ADGRL2: variants seen among roughly 807,000 people sequenced by gnomAD.
ADGRL2 encodes the protein calcium-independent alpha-latrotoxin receptor 2.
In ADGRL2, 44 loss-of-function variants were observed where a neutral mutation model predicts 157.4. That is an observed-to-expected ratio of 0.28 (90% CI 0.22 to 0.36). The LOEUF is 0.36. Ranked by LOEUF, ADGRL2 falls within the 10% of genes least tolerant of loss-of-function variation. The pLI is 1.00. For missense variants in ADGRL2, 1,510 were observed against 1,768.9 expected, an observed-to-expected ratio of 0.85 and a Z score of 2.63; for synonymous variants, 585 against 624.7, an observed-to-expected ratio of 0.94 and a Z score of 0.95.
At chr1:81,810,334 A>C (rs202098501) in intron 1 of ADGRL2, among the ~76,000 whole-genome samples, 1 of 13,112 alleles carries the variant, frequency 7.6e-5, no homozygotes, top group African/African-American at 2.7e-4. Flanking sequence ...CATAACAAAT[A>C]ATCATGTTTA....
intron 2 of ADGRL2, among the ~76,000 whole-genome samples, chr1:81,852,789 C>T (rs2093060239): frequency 6.6e-6 from 1 of 152,032 alleles, no homozygotes; most frequent in Non-Finnish European, 1.5e-5. Context: ...TACATACTTT[C>T]ATGGTTTTGA....
At chr1:81,664,234 C>T (rs956919859) in intron 3 of ADGRL2, among the ~76,000 whole-genome samples, 30 of 152,080 alleles carry the variant, frequency 2.0e-4, no homozygotes, top group African/African-American at 7.0e-4. Flanking sequence ...TAAGTATTTT[C>T]TGTATCTTTA....
intron 2 of ADGRL2, among the ~76,000 whole-genome samples, chr1:81,541,650 A>T (rs973835535): frequency 1.3e-5 from 2 of 152,170 alleles, no homozygotes; most frequent in Non-Finnish European, 2.9e-5. Flanking sequence ...AGTGCACTGT[A>T]TTAGAAATAT....
chr1:81,969,478 C>T, intron 15 of ADGRL2, 91 bp downstream of exon 15: 2 of 805,918 alleles, frequency 2.5e-6, no homozygotes, highest in Non-Finnish European at 4.0e-6. Flanking sequence ...TAATGTTTGA[C>T]CTTGTAACTT....
chr1:81,797,427 C>T (rs567691698), upstream of ADGRL2, among the ~76,000 whole-genome samples: 1 of 152,214 alleles, frequency 6.6e-6, no homozygotes, highest in African/African-American at 2.4e-5. Context: ...GTTGCTCAAA[C>T]TTAATGGCAG....
intron 1 of ADGRL2, among the ~76,000 whole-genome samples, chr1:81,828,716 C>T (rs962203600): frequency 9.2e-5 from 14 of 152,026 alleles, no homozygotes; most frequent in African/African-American, 3.1e-4. Flanking sequence ...TTTCTAAAAA[C>T]CACATACCTC....
chr1:81,757,231 G>A lies in ADGRL2; in HGVS notation c.-142-4580G>A, dbSNP rs1286668030. On this transcript the variant is annotated intron_variant, in intron 1 of 20. Coordinates refer to the ADGRL2 transcript ENST00000359929. ...TAATGTAAAAGTTTGATTTGAAAGG[G>A]TCTGGAGGGGCAGGGGAAATAAAAT... Among the ~76,000 whole-genome samples, 3 of 152,134 alleles carry A rather than the reference G, an allele frequency of 2.0e-5. No individual in the cohort carries two copies. In the East Asian group the frequency reaches 5.8e-4, roughly 29 times the overall value.
At chr1:81,653,269 G>A (rs926556465) in intron 3 of ADGRL2, among the ~76,000 whole-genome samples, 2 of 150,302 alleles carry the variant, frequency 1.3e-5, no homozygotes, top group Non-Finnish European at 3.0e-5. Flanking sequence ...GTATTCCATA[G>A]AATGATGTAC....
chr1:81,335,885 C>T (rs1425469994), intron 1 of ADGRL2, among the ~76,000 whole-genome samples: 2 of 152,146 alleles, frequency 1.3e-5, no homozygotes, highest in African/African-American at 4.8e-5. Flanking sequence ...CACTATCTTT[C>T]CTTCATGGAG....
rs865823652 is a variant in ADGRL2 at position 81,306,615 on chromosome 1, A to G, written c.-302+106A>G. On this transcript the variant is annotated intron_variant, in intron 1 of 24. Transcript: ENST00000370721. ...ATTGTTGCTGGCATTAGGTACAAAT[A>G]CTGTGATTCCAGGTGCCTCACGCTT... 4 of 152,320 alleles carry G rather than the reference A, an allele frequency of 2.6e-5. No homozygotes were observed. The South Asian group carries it at 8.3e-4, about 32-fold the overall frequency. 9.4% of individuals were successfully genotyped at this position (152,320 alleles called of 1,614,324 possible). A position where few individuals can be genotyped will look rare whatever the true frequency, so the allele number is the denominator to read the frequency against.
At chr1:81,828,945 C>CT (rs946286808) in intron 1 of ADGRL2, among the ~76,000 whole-genome samples, 5 of 150,954 alleles carry the variant, frequency 3.3e-5, no homozygotes, top group African/African-American at 1.2e-4. Flanking sequence ...AAGTCTTGCT[C>CT]TTGTTGCCTG....
At chr1:81,476,892 T>C (rs1300948365) in intron 2 of ADGRL2, among the ~76,000 whole-genome samples, 2 of 152,158 alleles carry the variant, frequency 1.3e-5, no homozygotes, top group African/African-American at 4.8e-5. Flanking sequence ...TCAACATCCA[T>C]CGATTAAACT....
At chr1:81,696,747 A>G (rs903671837), upstream of ADGRL2, among the ~76,000 whole-genome samples, 9 of 152,120 alleles carry the variant, frequency 5.9e-5, no homozygotes, top group Non-Finnish European at 1.0e-4. Flanking sequence ...GCGAGACTCC[A>G]TCTCAAAAAC....
At chr1:81,684,959 T>G (rs2083198848) in intron 3 of ADGRL2, among the ~76,000 whole-genome samples, 2 of 152,166 alleles carry the variant, frequency 1.3e-5, no homozygotes, top group Non-Finnish European at 2.9e-5. Context: ...TATTTGGGTT[T>G]ATTTCTGAGT....
chr1:81,384,622 T>C (rs1250776914), intron 1 of ADGRL2, among the ~76,000 whole-genome samples: 1 of 152,230 alleles, frequency 6.6e-6, no homozygotes, highest in African/African-American at 2.4e-5. Flanking sequence ...GAATGTACTA[T>C]TTCAGCCACT....
intron 2 of ADGRL2, chr1:81,445,217 A>G (rs542222934): frequency 6.6e-6 from 1 of 152,330 alleles, no homozygotes; most frequent in South Asian, 2.1e-4. Context: ...TCTTTTATTA[A>G]ATGTAGAAGA....
chr1:81,631,013 C>G (rs534655554), intron 3 of ADGRL2, among the ~76,000 whole-genome samples: 1 of 152,044 alleles, frequency 6.6e-6, no homozygotes, highest in African/African-American at 2.4e-5. Flanking sequence ...TACATTAATA[C>G]TAAAGAACAG....
intron 3 of ADGRL2, among the ~76,000 whole-genome samples, chr1:81,913,938 T>C (rs2094793763): frequency 2.0e-5 from 3 of 152,062 alleles, no homozygotes; most frequent in Non-Finnish European, 2.9e-5. Flanking sequence ...TCAAATATAC[T>C]AATAGATACT....
Position 81,991,978 on chromosome 1 carries a change from G to A in ADGRL2, c.*833G>A, listed in dbSNP as rs7523178. 1 allele frequency: 152,301 copies of A among 152,730 alleles called. 75,937 individuals are homozygous for A. Among genetic ancestry groups the A allele is most frequent in the Middle Eastern group, 1 (294 of 294 alleles). The allele number at this position is 152,730 out of a possible 1,614,324, so 9.5% of individuals were successfully genotyped here. On this transcript the variant is annotated 3_prime_UTR_variant, in exon 24 of 24. Transcript: ENST00000686636. ...TACAGTGTTCTGCTTTGACAAAGTT[G>A]GTCTTTATTACTTACATTTAAATTT...
Sources: allele counts gnomAD v4.1 joint callset (sites outside exome capture counted in the v4.1 genomes callset), GRCh38; gene constraint gnomAD v4.1.1; transcripts MANE v1.5; gene names NCBI Gene and HGNC (gene_info 2026-07-23, HGNC 2026-07-21).